CSMD1: variants seen among roughly 807,000 people sequenced by gnomAD.
The protein encoded by CSMD1 is CUB and sushi domain-containing protein 1.
Under a neutral mutation model 417.5 loss-of-function variants are expected in CSMD1, and 213 were observed. The ratio of observed to expected loss-of-function variants is 0.51; its 90% CI spans 0.46 to 0.57. The LOEUF (loss-of-function observed/expected upper bound fraction) is 0.57. Ranked by LOEUF, CSMD1 falls within the 20% of genes least tolerant of loss-of-function variation. The pLI, the probability that CSMD1 is intolerant of heterozygous loss-of-function variation, is 0.00. For missense variants in CSMD1, 6,923 were observed against 4,529.7 expected, an observed-to-expected ratio of 1.53 and a Z score of -15.17; for synonymous variants, 2,862 against 1,736.8, an observed-to-expected ratio of 1.65 and a Z score of -16.11.
At chr8:4,628,040 A>G (rs1464926831) in intron 2 of CSMD1, among the ~76,000 whole-genome samples, 2 of 152,034 alleles carry the variant, frequency 1.3e-5, no homozygotes, top group African/African-American at 4.8e-5. Context: ...CTGGGACAAA[A>G]AAATCACCCC....
intron 3 of CSMD1, among the ~76,000 whole-genome samples, chr8:4,141,341 G>T (rs961464134): frequency 2.6e-5 from 4 of 151,202 alleles, no homozygotes; most frequent in Admixed American, 1.3e-4. Flanking sequence ...CTACTGTTCA[G>T]AGAAGTATGC....
chr8:3,717,642 T>C (rs1585125881), intron 6 of CSMD1, among the ~76,000 whole-genome samples: 1 of 152,186 alleles, frequency 6.6e-6, no homozygotes, highest in African/African-American at 2.4e-5. Flanking sequence ...AGAACGTTTA[T>C]GTATTTATTA....
At chr8:4,570,434 C>G (rs112443742) in intron 2 of CSMD1, among the ~76,000 whole-genome samples, 1 of 151,996 alleles carries the variant, frequency 6.6e-6, no homozygotes, top group Non-Finnish European at 1.5e-5. Context: ...TGATGGATTA[C>G]GCCTATTGAT....
intron 1 of CSMD1, among the ~76,000 whole-genome samples, chr8:4,861,911 T>C (rs1021307279): frequency 3.3e-5 from 5 of 151,498 alleles, no homozygotes; most frequent in African/African-American, 1.2e-4. Context: ...AACTTTCCAC[T>C]TATTATACTT....
At chr8:4,807,880 T>A (rs1266587031) in intron 1 of CSMD1, among the ~76,000 whole-genome samples, 1 of 152,126 alleles carries the variant, frequency 6.6e-6, no homozygotes, top group Non-Finnish European at 1.5e-5. Context: ...AGGAGTATAT[T>A]CTCAAAGGTC....
chr8:3,720,830 T>C (rs878964824), intron 6 of CSMD1, among the ~76,000 whole-genome samples: 1 of 152,036 alleles, frequency 6.6e-6, no homozygotes, highest in Admixed American at 6.6e-5. Context: ...AGACTTTTTT[T>C]TTCGAGAGTC....
chr8:3,530,709 T>G (rs564118934), intron 10 of CSMD1, among the ~76,000 whole-genome samples: 1 of 152,198 alleles, frequency 6.6e-6, no homozygotes, highest in African/African-American at 2.4e-5. Context: ...TTTTGTATTT[T>G]TAGTAGAGAC....
intron 3 of CSMD1, among the ~76,000 whole-genome samples, chr8:4,039,177 G>T (rs1159927656): frequency 1.3e-5 from 2 of 152,136 alleles, no homozygotes. Flanking sequence ...TTCATGAGGT[G>T]GATTCATCTG....
intron 1 of CSMD1, among the ~76,000 whole-genome samples, chr8:4,947,725 C>G (rs1207419952): frequency 6.6e-6 from 1 of 152,016 alleles, no homozygotes. Context: ...AAGTTTGTAG[C>G]TGAGTTTGCT....
chr8:3,046,909 T>C (rs909586469), intron 50 of CSMD1, among the ~76,000 whole-genome samples: 1 of 152,204 alleles, frequency 6.6e-6, no homozygotes. Context: ...GATAAATGTC[T>C]AGAGTGACTC....
chr8:4,023,692 T>C (rs1457017209), intron 4 of CSMD1, among the ~76,000 whole-genome samples: 1 of 149,206 alleles, frequency 6.7e-6, no homozygotes, highest in Non-Finnish European at 1.5e-5. Flanking sequence ...GTTCACGCCA[T>C]TCTCCTGCCT....
intron 3 of CSMD1, among the ~76,000 whole-genome samples, chr8:4,369,268 T>G (rs1045421611): frequency 1.3e-5 from 2 of 152,204 alleles, no homozygotes; most frequent in African/African-American, 4.8e-5. Context: ...TGGGTCTTTC[T>G]GATACGACTT....
At chr8:4,388,809 C>G (rs971463750) in intron 3 of CSMD1, among the ~76,000 whole-genome samples, 2 of 152,194 alleles carry the variant, frequency 1.3e-5, no homozygotes, top group Non-Finnish European at 2.9e-5. Context: ...TACCTCTGGA[C>G]CCAGCACTGA....
chr8:4,663,866 G>T (rs1037651228), intron 1 of CSMD1, among the ~76,000 whole-genome samples: 6 of 152,108 alleles, frequency 3.9e-5, no homozygotes, highest in Non-Finnish European at 8.8e-5. Context: ...CAAATACCTG[G>T]GCTGGATCAG....
chr8:4,029,718 C>G (rs1472700670), intron 4 of CSMD1, among the ~76,000 whole-genome samples: 2 of 152,146 alleles, frequency 1.3e-5, no homozygotes, highest in Non-Finnish European at 2.9e-5. Context: ...AACAGTCCCC[C>G]AAAGTCTTAA....
intron 2 of CSMD1, among the ~76,000 whole-genome samples, chr8:4,568,429 T>G (rs1053163343): frequency 5.3e-5 from 8 of 152,202 alleles, no homozygotes; most frequent in Admixed American, 2.0e-4. Context: ...TTCACCCATG[T>G]CCTTGCAAAT....
At chr8:3,865,975 A>G (rs1252296980) in intron 5 of CSMD1, among the ~76,000 whole-genome samples, 1 of 152,192 alleles carries the variant, frequency 6.6e-6, no homozygotes, top group African/African-American at 2.4e-5. Context: ...TGAAAAGTGA[A>G]AGGAATTTCA....
chr8:4,138,964 C>T (rs1365743672), intron 3 of CSMD1, among the ~76,000 whole-genome samples: 2 of 152,276 alleles, frequency 1.3e-5, no homozygotes, highest in South Asian at 4.1e-4. Context: ...CGAACACTCG[C>T]CATGCATCTT....
At chr8:3,852,397 G>A (rs1803976321) in intron 5 of CSMD1, among the ~76,000 whole-genome samples, 1 of 152,160 alleles carries the variant, frequency 6.6e-6, no homozygotes, top group African/African-American at 2.4e-5. Context: ...GGATGAGCAT[G>A]TACAGTGAAC....
Sources: allele counts gnomAD v4.1 joint callset (sites outside exome capture counted in the v4.1 genomes callset), GRCh38; gene constraint gnomAD v4.1.1; transcripts MANE v1.5; gene names NCBI Gene and HGNC (gene_info 2026-07-23, HGNC 2026-07-21).